The following TRPC4AP variants were observed in gnomAD, a reference collection of about 807,000 sequenced individuals.
The protein encoded by TRPC4AP is short transient receptor potential channel 4-associated protein.
Under a neutral mutation model 99.0 loss-of-function variants are expected in TRPC4AP, and 45 were observed. The ratio of observed to expected loss-of-function variants is 0.45; its 90% CI spans 0.36 to 0.58. The LOEUF (loss-of-function observed/expected upper bound fraction) is 0.58. Ranked by LOEUF, TRPC4AP falls within the 20% of genes least tolerant of loss-of-function variation. The pLI is 0.00. For synonymous variants in TRPC4AP, 408 were observed against 385.8 expected (o/e 1.06, Z -0.67); for missense variants, 879 against 985.3 (o/e 0.89, Z 1.44).
chr20:35,003,332 G>A, intron 18 of TRPC4AP, 49 bp from the exon 19 acceptor site: 3 of 1,613,516 alleles, frequency 1.9e-6, no homozygotes, highest in Non-Finnish European at 1.7e-6. Flanking sequence ...CCCAGGTCAA[G>A]CCCAGCACCG....
At chr20:35,012,109 A>G (rs2082651510) in intron 11 of TRPC4AP, among the ~76,000 whole-genome samples, 1 of 152,200 alleles carries the variant, frequency 6.6e-6, no homozygotes, top group Non-Finnish European at 1.5e-5. Flanking sequence ...ACAGTTCCAT[A>G]ACATATGTGG....
Position 35,021,204 on chromosome 20 carries a change from G to A in TRPC4AP, c.1204C>T (p.Arg402Cys), listed in dbSNP as rs752598929. Residue 402 changes from arginine to cysteine, a missense_variant, in exon 9 of 19, where the codon CGT becomes TGT. Physicochemically the swap from Arg to Cys is radical, Grantham distance 180. This residue lies in a region of TRPC4AP where 603 missense variants were observed against 631.8 expected (regional missense o/e 0.95). Coordinates refer to ENST00000252015, the MANE Select transcript of TRPC4AP (RefSeq NM_015638.3). ...LYVLCVLLMG[R>C]QRNQVHRMIA... ...GAGGGGCCCACCTGGTTTCGCTGAC[G>A]CCCCATCAGCAGCACGCAGAGGACA... The A allele has an allele frequency of 1.4e-5, 22 of 1,612,234 alleles. No individual in the cohort carries two copies. The highest frequency in any genetic ancestry group is 2.2e-5 in the East Asian group (1 of 44,842).
intron 13 of TRPC4AP, 33 bp downstream of exon 13, chr20:35,008,631 G>C: frequency 6.3e-7 from 1 of 1,595,940 alleles, no homozygotes; most frequent in Non-Finnish European, 8.6e-7. Context: ...CTGCAGCCCC[G>C]CAGAATCGGC....
At chr20:35,046,921 C>T (rs768411876) in intron 6 of TRPC4AP, among the ~76,000 whole-genome samples, 3 of 152,044 alleles carry the variant, frequency 2.0e-5, no homozygotes, top group East Asian at 1.9e-4. Context: ...CAGGCCAGAG[C>T]GCAATGGCAC....
intron 8 of TRPC4AP, among the ~76,000 whole-genome samples, chr20:35,021,818 C>T (rs938749822): frequency 3.3e-5 from 5 of 152,100 alleles, no homozygotes; most frequent in Admixed American, 2.6e-4. Flanking sequence ...AAGAATTCCC[C>T]GTTTTTTAAA....
At chr20:35,036,111 G>A (rs1449131841) in intron 7 of TRPC4AP, among the ~76,000 whole-genome samples, 1 of 152,184 alleles carries the variant, frequency 6.6e-6, no homozygotes, top group Non-Finnish European at 1.5e-5. Context: ...TATTCACAAT[G>A]AGTGAGGTGG....
At chr20:35,018,604 G>GAAAAA (rs11479211) in intron 9 of TRPC4AP, among the ~76,000 whole-genome samples, 23 of 88,932 alleles carry the variant, frequency 2.6e-4, no homozygotes, top group African/African-American at 4.6e-4. Flanking sequence ...CTCAAAAAAA[G>GAAAAA]AAAAAAAAAA....
intron 9 of TRPC4AP, among the ~76,000 whole-genome samples, chr20:35,017,437 A>T (rs907751891): frequency 3.3e-4 from 51 of 152,250 alleles, no homozygotes; most frequent in Admixed American, 3.3e-3. Context: ...CTTTTAAAAC[A>T]GAACTGCAGG....
chr20:35,005,726 C>T lies in TRPC4AP; in HGVS notation c.1905G>A (p.Leu635=), dbSNP rs1287659838. ...TATCCACCTGGTTTTCAAATCGGTC[C>T]AGGGACAGAGTGACACAGCGCACCA... ...NMLVRCVTLS[L]DRFENQVDMK... Residue 635 remains leucine, a synonymous_variant, in exon 16 of 19, where the codon CTG becomes CTA. Transcript: ENST00000252015. 1 of 1,614,052 alleles carries T rather than the reference C, an allele frequency of 6.2e-7. No homozygotes were observed. Among genetic ancestry groups the T allele is most frequent in the East Asian group, 2.2e-5 (1 of 44,904 alleles).
intron 11 of TRPC4AP, among the ~76,000 whole-genome samples, chr20:35,012,645 T>A (rs753142387): frequency 8.5e-5 from 13 of 152,226 alleles, no homozygotes; most frequent in Non-Finnish European, 1.9e-4. Context: ...AGCAGTCGGC[T>A]TTGCCTGTCT....
In TRPC4AP at chr20:35,004,565, C is replaced by T. The variant is rs781511577; in HGVS notation, c.1942G>A (p.Glu648Lys). 2.5e-6 allele frequency: 4 copies of T among 1,613,508 alleles called. No individual in the cohort carries two copies. Among genetic ancestry groups the T allele is most frequent in the Non-Finnish European group, 1.7e-6 (2 of 1,179,680 alleles). Residue 648 changes from glutamate to lysine, a missense_variant, in exon 17 of 19, where the codon GAG becomes AAG. Around this residue, in one of 3 missense-constraint regions of TRPC4AP, gnomAD observed 224 missense variants for 264.7 expected, o/e 0.85. Coordinates refer to ENST00000252015, the MANE Select transcript of TRPC4AP (RefSeq NM_015638.3). ...AGCAGGCGGCATTCAGACAGTACCT[C>T]GGCAACTGTGGAGGGAGGCAGGGGT... ...FENQVDMKVA[E>K]VLSECRLLAY...
intron 1 of TRPC4AP, among the ~76,000 whole-genome samples, chr20:35,087,726 T>A (rs1600677117): frequency 6.6e-6 from 1 of 152,348 alleles, no homozygotes; most frequent in South Asian, 2.1e-4. Context: ...TCAAATGTGC[T>A]GATGAATATG....
intron 3 of TRPC4AP, among the ~76,000 whole-genome samples, chr20:35,060,117 A>T (rs2083958848): frequency 6.6e-6 from 1 of 152,232 alleles, no homozygotes; most frequent in South Asian, 2.1e-4. Flanking sequence ...AATTCTTCAC[A>T]AACTCTTCCA....
intron 4 of TRPC4AP, among the ~76,000 whole-genome samples, chr20:35,055,437 A>G (rs1267064560): frequency 6.6e-6 from 1 of 152,152 alleles, no homozygotes; most frequent in Non-Finnish European, 1.5e-5. Flanking sequence ...TATCCTTTTC[A>G]TGTTTGTATT....
At chr20:35,004,679 A>C in intron 16 of TRPC4AP, 109 bp from the exon 17 acceptor site, 6 of 848,148 alleles carry the variant, frequency 7.1e-6, no homozygotes, top group Non-Finnish European at 1.1e-5. Context: ...CTAGGAGCTC[A>C]TCATCAAAAC....
At chr20:35,029,536 T>C (rs927452326) in intron 8 of TRPC4AP, among the ~76,000 whole-genome samples, 3 of 152,076 alleles carry the variant, frequency 2.0e-5, no homozygotes, top group East Asian at 3.9e-4. Context: ...TGTTCCTCTA[T>C]ATCTCCTTTA....
intron 7 of TRPC4AP, among the ~76,000 whole-genome samples, chr20:35,041,358 G>A (rs1041506281): frequency 6.6e-6 from 1 of 152,152 alleles, no homozygotes; most frequent in Non-Finnish European, 1.5e-5. Flanking sequence ...GTGCGGGTAA[G>A]GGAATGGAGT....
chr20:35,011,961 C>G (rs141844854), intron 11 of TRPC4AP, among the ~76,000 whole-genome samples: 50 of 152,348 alleles, frequency 3.3e-4, no homozygotes, highest in South Asian at 2.3e-3. Context: ...CTTGGATGAA[C>G]AACTGTCTCT....
intron 12 of TRPC4AP, 75 bp downstream of exon 12, chr20:35,010,112 G>A: frequency 8.2e-7 from 1 of 1,222,044 alleles, no homozygotes; most frequent in Non-Finnish European, 1.2e-6. Flanking sequence ...ATACCTGGAT[G>A]TGCTCACCGG....
Sources: allele counts gnomAD v4.1 joint callset (sites outside exome capture counted in the v4.1 genomes callset), GRCh38; gene constraint gnomAD v4.1.1; regional missense constraint gnomAD v4.1.1; transcripts MANE v1.5; gene names NCBI Gene and HGNC (gene_info 2026-07-23, HGNC 2026-07-21).